CISD2: variants seen among roughly 807,000 people sequenced by gnomAD.
The protein encoded by CISD2 is CDGSH iron-sulfur domain-containing protein 2.
A neutral mutation model predicts 12.9 loss-of-function variants in CISD2; 1 was observed. The observed-to-expected ratio is 0.08, with a 90% CI of 0.03 to 0.37. CISD2 has a LOEUF of 0.37. Ranked by LOEUF, CISD2 falls within the 10% of genes least tolerant of loss-of-function variation. The probability of loss-of-function intolerance (pLI) is 0.99; values close to 1 mark genes in which losing one functional copy is unlikely to be tolerated. For missense variants in CISD2, 97 were observed against 163.1 expected, an observed-to-expected ratio of 0.59 and a Z score of 2.21; for synonymous variants, 50 against 60.6, an observed-to-expected ratio of 0.83 and a Z score of 0.81.
rs954337063 is a variant in CISD2 at position 102,889,061 on chromosome 4, T to G, written c.*1631T>G. 3.9e-5 allele frequency: 6 copies of G among 152,270 alleles called. No individual in the cohort carries two copies. Among genetic ancestry groups the G allele is most frequent in the African/African-American group, 1.4e-4 (6 of 41,554 alleles). The allele number at this position is 152,270 out of a possible 1,614,324, so 9.4% of individuals were successfully genotyped here. On this transcript the variant is annotated 3_prime_UTR_variant, in exon 3 of 3. Coordinates refer to ENST00000273986, the MANE Select transcript of CISD2 (RefSeq NM_001008388.5). Reference sequence around the variant, plus strand: ...CACTACACTAAGCATGGTACTTGGGTTTTTAATTTATTACATGTAATGTCA... The same window carrying G: ...CACTACACTAAGCATGGTACTTGGGGTTTTAATTTATTACATGTAATGTCA...
intron 1 of CISD2, among the ~76,000 whole-genome samples, chr4:102,872,975 A>G (rs1733496971): frequency 6.6e-6 from 1 of 152,182 alleles, no homozygotes; most frequent in Non-Finnish European, 1.5e-5. Context: ...GAAACGTACA[A>G]TCATGGCGGA....
chr4:102,882,491 G>T (rs961153364), intron 1 of CISD2, among the ~76,000 whole-genome samples: 3 of 152,156 alleles, frequency 2.0e-5, no homozygotes, highest in East Asian at 1.9e-4. Flanking sequence ...CCATGTTTGT[G>T]GAAGTTGAAG....
At position 102,888,689 on chromosome 4, in the gene CISD2, T is replaced by C. The variant is rs531693287; in HGVS notation, c.*1259T>C. ...GGCACAGGCCTGTAGTCCCAACTGC[T>C]GGGAAGATTGAGGTGGGAGGATGGC... On this transcript the variant is annotated 3_prime_UTR_variant, in exon 3 of 3. Transcript: ENST00000273986. 2.6e-5 allele frequency: 4 copies of C among 152,390 alleles called. No individual in the cohort carries two copies. In the East Asian group the frequency reaches 7.7e-4, roughly 29 times the overall value. The allele number at this position is 152,390 out of a possible 1,614,324, so 9.4% of individuals were successfully genotyped here. A position where few individuals can be genotyped will look rare whatever the true frequency, so the allele number is the denominator to read the frequency against.
chr4:102,881,222 G>T (rs1733713439), intron 1 of CISD2, among the ~76,000 whole-genome samples: 1 of 151,972 alleles, frequency 6.6e-6, no homozygotes, highest in African/African-American at 2.4e-5. Flanking sequence ...ATTCATATGT[G>T]GGAACTAAAA....
chr4:102,882,121 G>T (rs1733735535), intron 1 of CISD2, among the ~76,000 whole-genome samples: 3 of 152,176 alleles, frequency 2.0e-5, no homozygotes, highest in African/African-American at 7.2e-5. Context: ...GTGCCCGGGA[G>T]GTGGAGGTGG....
At chr4:102,876,942 C>T (rs1733607073) in intron 1 of CISD2, among the ~76,000 whole-genome samples, 1 of 152,092 alleles carries the variant, frequency 6.6e-6, no homozygotes, top group African/African-American at 2.4e-5. Context: ...CCTTATAAAA[C>T]CAGATCTCAT....
Position 102,885,244 on chromosome 4 carries a change from C to T in CISD2, c.132C>T (p.Phe44=). Residue 44 remains phenylalanine (F), a synonymous_variant, in exon 2 of 3, where the codon TTC becomes TTT. Transcript: ENST00000273986. ...CAGAATGGCTTCGGTTATTGCCTTT[C>T]CTTGGTGTACTCGCACTTCTTGGCT... The part of the protein sequence containing the change: ...TVSEWLRLLP[F]LGVLALLGYL... 6.2e-7 allele frequency: 1 copy of T among 1,614,098 alleles called. No homozygotes were observed.
chr4:102,889,744 T>C lies in CISD2; in HGVS notation c.*2314T>C, dbSNP rs1734142276. The C allele has an allele frequency of 6.6e-6, 1 of 152,224 alleles. No homozygotes were observed. Among genetic ancestry groups the C allele is most frequent in the African/African-American group, 2.4e-5 (1 of 41,450 alleles). 9.4% of individuals were successfully genotyped at this position (152,224 alleles called of 1,614,324 possible). ...TAGGGTTGGTAGTAAGCTGTTGCTT[T>C]AATAACTCCTTTAAATAAGCATTAT... On this transcript the variant is annotated 3_prime_UTR_variant, in exon 3 of 3. Coordinates refer to ENST00000273986, the MANE Select transcript of CISD2 (RefSeq NM_001008388.5).
In CISD2 at chr4:102,885,285, C is replaced by T; in HGVS notation, c.173C>T (p.Pro58Leu). 1 of 1,614,076 alleles carries T rather than the reference C, an allele frequency of 6.2e-7. No individual in the cohort carries two copies. Among genetic ancestry groups the T allele is most frequent in the Non-Finnish European group, 8.5e-7 (1 of 1,179,974 alleles). The change falls in exon 2 of 3, where the codon CCA becomes CTA. Residue 58 changes from proline (P) to leucine (L), a missense_variant. Physicochemically the swap from Pro to Leu is moderately conservative, Grantham distance 98 (BLOSUM62 -3). This residue lies in a region of CISD2 where 89 missense variants were observed against 114.4 expected (regional missense o/e 0.78). Transcript: ENST00000273986. ...LALLGYLAVR[P>L]FLPKKKQQKD... ...CTTCTTGGCTACCTTGCAGTTCGTC[C>T]ATTCCTCCCGAAGAAGAAACAACAG...
At chr4:102,873,421 G>A (rs1306939252) in intron 1 of CISD2, among the ~76,000 whole-genome samples, 1 of 151,900 alleles carries the variant, frequency 6.6e-6, no homozygotes, top group East Asian at 1.9e-4. Context: ...ACAGGTGCAC[G>A]CTACCACACC....
rs1734177199 is a variant in CISD2, at chr4:102,890,346, C to T, written c.*2916C>T. 6.6e-6 allele frequency: 1 copy of T among 152,180 alleles called. No individual in the cohort carries two copies. The highest frequency in any genetic ancestry group is 6.5e-5 in the Admixed American group (1 of 15,276). 9.4% of individuals were successfully genotyped at this position (152,180 alleles called of 1,614,324 possible). A position where few individuals can be genotyped will look rare whatever the true frequency, so the allele number is the denominator to read the frequency against. ...TAGTCTTCCAATAGAAATGTGCTGT[C>T]AGAATCTGTATAGAGAGTTTGTAAA... On this transcript the variant is annotated 3_prime_UTR_variant, in exon 3 of 3. Coordinates refer to ENST00000273986, the MANE Select transcript of CISD2 (RefSeq NM_001008388.5).
At chr4:102,875,287 A>G (rs1733567174) in intron 1 of CISD2, among the ~76,000 whole-genome samples, 1 of 152,226 alleles carries the variant, frequency 6.6e-6, no homozygotes, top group Non-Finnish European at 1.5e-5. Flanking sequence ...GTTTTTGCTC[A>G]TGCCAGTAAA....
chr4:102,871,268 C>G (rs192673963), intron 1 of CISD2, among the ~76,000 whole-genome samples: 47 of 152,192 alleles, frequency 3.1e-4, no homozygotes, highest in African/African-American at 1.1e-3. Flanking sequence ...TCCCTAGTGT[C>G]AACAAATATT....
At chr4:102,885,037 A>T (rs1022958722) in intron 1 of CISD2, 179 bp from the exon 2 acceptor site, 1 of 587,882 alleles carries the variant, frequency 1.7e-6, no homozygotes, top group African/African-American at 1.9e-5. Context: ...TTATAAATAA[A>T]GTAAGGTGGT....
intron 1 of CISD2, among the ~76,000 whole-genome samples, chr4:102,879,172 G>T (rs1193017614): frequency 6.6e-6 from 1 of 152,062 alleles, no homozygotes; most frequent in African/African-American, 2.4e-5. Context: ...TTGACGTGGG[G>T]ATTATGGGAT....
chr4:102,877,618 A>C (rs1733620367), intron 1 of CISD2, among the ~76,000 whole-genome samples: 1 of 151,952 alleles, frequency 6.6e-6, no homozygotes, highest in Non-Finnish European at 1.5e-5. Context: ...CACAGTGGGG[A>C]CTCTGTGTGA....
chr4:102,879,391 C>G (rs1205194308), intron 1 of CISD2, among the ~76,000 whole-genome samples: 1 of 152,032 alleles, frequency 6.6e-6, no homozygotes, highest in Non-Finnish European at 1.5e-5. Context: ...GAAAGTACTA[C>G]AAGAGCAAAC....
chr4:102,878,893 A>G (rs1733650899), intron 1 of CISD2, among the ~76,000 whole-genome samples: 1 of 152,240 alleles, frequency 6.6e-6, no homozygotes, highest in East Asian at 1.9e-4. Flanking sequence ...AAAAGAAATA[A>G]AAACATAAAA....
intron 1 of CISD2, chr4:102,869,424 C>T: frequency 8.5e-6 from 6 of 709,478 alleles, no homozygotes; most frequent in Non-Finnish European, 1.3e-5. Context: ...CGGTGTCATT[C>T]CGTGGCAAGA....
Sources: gnomAD v4.1 joint callset for allele counts (sites outside exome capture counted in the v4.1 genomes callset) on GRCh38, gnomAD v4.1.1 for gene constraint, gnomAD v4.1.1 regional missense constraint, MANE v1.5 for transcripts, NCBI Gene and HGNC (gene_info 2026-07-23, HGNC 2026-07-21) for gene names.